FNDC3B: variants seen among roughly 807,000 people sequenced by gnomAD.
FNDC3B encodes the protein fibronectin type III domain-containing protein 3B.
Under a neutral mutation model 151.5 loss-of-function variants are expected in FNDC3B, and 12 were observed. That is an observed-to-expected ratio of 0.08 (90% confidence interval 0.05 to 0.13). FNDC3B has a LOEUF of 0.13. Ranked by LOEUF, FNDC3B falls within the 10% of genes least tolerant of loss-of-function variation. The pLI, the probability that FNDC3B is intolerant of heterozygous loss-of-function variation, is 1.00. For missense variants in FNDC3B, 1,214 were observed against 1,505.3 expected (o/e 0.81, Z 3.20); for synonymous variants, 528 against 549.0 (o/e 0.96, Z 0.54).
intron 14 of FNDC3B, among the ~76,000 whole-genome samples, chr3:172,334,048 G>T (rs369853152): frequency 4.1e-4 from 63 of 152,290 alleles, no homozygotes; most frequent in African/African-American, 1.5e-3. Flanking sequence ...TGACAAGTGT[G>T]CGTTTTGGAA....
At chr3:172,244,319 A>G (rs62281805) in intron 4 of FNDC3B, among the ~76,000 whole-genome samples, 23,147 of 152,060 alleles carry the variant, frequency 0.15, 1,937 homozygotes, top group African/African-American at 0.23. Flanking sequence ...TTTTTGCCTC[A>G]GGTGTTTTGG....
At chr3:172,261,572 A>C (rs1329013196) in intron 6 of FNDC3B, among the ~76,000 whole-genome samples, 1 of 152,226 alleles carries the variant, frequency 6.6e-6, no homozygotes, top group Non-Finnish European at 1.5e-5. Context: ...AGCAGACGCT[A>C]TTACCGTATT....
chr3:172,053,947 A>G (rs1267066772), intron 1 of FNDC3B, among the ~76,000 whole-genome samples: 1 of 152,174 alleles, frequency 6.6e-6, no homozygotes, highest in African/African-American at 2.4e-5. Context: ...CAATGGAGTG[A>G]ATGGGAAAAA....
intron 4 of FNDC3B, among the ~76,000 whole-genome samples, chr3:172,239,245 G>A (rs1338351679): frequency 3.3e-5 from 5 of 152,130 alleles, no homozygotes. Context: ...CTGCTTGGGA[G>A]AATCCTGGAT....
chr3:172,396,681 G>A (rs1438672153), intron 25 of FNDC3B, among the ~76,000 whole-genome samples: 1 of 152,152 alleles, frequency 6.6e-6, no homozygotes, highest in Non-Finnish European at 1.5e-5. Context: ...ACAGAAGCAT[G>A]AAGCGTATTG....
intron 25 of FNDC3B, 72 bp from the exon 26 acceptor site, chr3:172,397,092 C>G (rs953294716): frequency 6.3e-6 from 8 of 1,278,570 alleles, no homozygotes; most frequent in Non-Finnish European, 1.1e-6. Flanking sequence ...TGGAGTGAAT[C>G]TAAACCAAGA....
rs1236767324 is a variant in FNDC3B at position 172,242,852 on chromosome 3, GT to G, written c.265-4680del. Among the ~76,000 whole-genome samples the G allele has an allele frequency of 4.6e-5, 7 of 152,092 alleles. No individual in the cohort carries two copies. The East Asian group carries it at 1.3e-3, about 29-fold the overall frequency. On this transcript the variant is annotated intron_variant, in intron 4 of 25. Transcript: ENST00000415807. ...ATGGGATTTTCTTTTCTATTATATTGTCAGGCTGCAAATTTTCCAAAGTTTT... is the reference window on the plus strand; with the variant it reads ...ATGGGATTTTCTTTTCTATTATATTGCAGGCTGCAAATTTTCCAAAGTTTT...
chr3:172,242,745 TC>T (rs1320267709), intron 4 of FNDC3B, among the ~76,000 whole-genome samples: 1 of 152,222 alleles, frequency 6.6e-6, no homozygotes, highest in East Asian at 1.9e-4. Flanking sequence ...GGAGACATTT[TC>T]CCCATTGTCT....
intron 25 of FNDC3B, among the ~76,000 whole-genome samples, chr3:172,382,901 T>G (rs1735532752): frequency 6.6e-6 from 1 of 152,226 alleles, no homozygotes; most frequent in Non-Finnish European, 1.5e-5. Context: ...TCAGGTAGCA[T>G]GATGCCTCCA....
chr3:172,394,634 A>G (rs1736185927), intron 25 of FNDC3B, among the ~76,000 whole-genome samples: 4 of 152,226 alleles, frequency 2.6e-5, no homozygotes, highest in African/African-American at 9.6e-5. Context: ...TGATGGCTTC[A>G]TGGCTGAACT....
At chr3:172,248,197 C>G (rs1281517548) in intron 5 of FNDC3B, among the ~76,000 whole-genome samples, 1 of 152,048 alleles carries the variant, frequency 6.6e-6, no homozygotes, top group Non-Finnish European at 1.5e-5. Flanking sequence ...TGTTTTGTGC[C>G]CCATTTCCAG....
intron 11 of FNDC3B, among the ~76,000 whole-genome samples, chr3:172,325,643 T>C (rs1335601170): frequency 6.6e-6 from 1 of 152,198 alleles, no homozygotes; most frequent in Non-Finnish European, 1.5e-5. Flanking sequence ...TACTCTACTC[T>C]AATGCTTAAG....
intron 3 of FNDC3B, among the ~76,000 whole-genome samples, chr3:172,175,771 T>A (rs1723551930): frequency 6.6e-6 from 1 of 152,078 alleles, no homozygotes; most frequent in Non-Finnish European, 1.5e-5. Context: ...TTGTACCGCG[T>A]TGGAGAAGTG....
At chr3:172,306,023 C>A (rs1019633634) in intron 9 of FNDC3B, among the ~76,000 whole-genome samples, 3 of 152,084 alleles carry the variant, frequency 2.0e-5, no homozygotes, top group Non-Finnish European at 2.9e-5. Flanking sequence ...GCAAATAGAT[C>A]AAATATGTAA....
intron 1 of FNDC3B, among the ~76,000 whole-genome samples, chr3:172,055,444 A>G (rs751241906): frequency 2.0e-5 from 3 of 152,202 alleles, no homozygotes; most frequent in African/African-American, 4.8e-5. Context: ...ATTATATTCA[A>G]TTTAAACAGG....
At chr3:172,163,279 A>G (rs753127998) in intron 3 of FNDC3B, among the ~76,000 whole-genome samples, 6 of 97,106 alleles carry the variant, frequency 6.2e-5, no homozygotes, top group Non-Finnish European at 1.5e-4. Flanking sequence ...TCATATAAGG[A>G]AAAAAAAAAA....
chr3:172,386,752 A>G (rs1353211593), intron 25 of FNDC3B, among the ~76,000 whole-genome samples: 10 of 148,490 alleles, frequency 6.7e-5, no homozygotes, highest in East Asian at 1.9e-4. Context: ...AAAAAAGAAA[A>G]AAAAAAGAAA....
chr3:172,179,858 C>CAAA (rs60259015), intron 3 of FNDC3B, among the ~76,000 whole-genome samples: 2 of 97,790 alleles, frequency 2.0e-5, no homozygotes, highest in African/African-American at 4.0e-5. Context: ...GCCCTGTCTC[C>CAAA]AAAAAAAAAA....
chr3:172,298,864 T>C, intron 9 of FNDC3B, 77 bp downstream of exon 9: 5 of 1,058,702 alleles, frequency 4.7e-6, no homozygotes, highest in Non-Finnish European at 5.6e-6. Context: ...CCCTTTTAAG[T>C]TTTTGGTGAA....
Sources: gnomAD v4.1 joint callset for allele counts (sites outside exome capture counted in the v4.1 genomes callset) on GRCh38, gnomAD v4.1.1 for gene constraint, MANE v1.5 for transcripts, NCBI Gene and HGNC (gene_info 2026-07-23, HGNC 2026-07-21) for gene names.